Variants in CCT4 observed in about 807,000 individuals in gnomAD.
CCT4 encodes T-complex protein 1 subunit delta.
Under a neutral mutation model 62.5 loss-of-function variants are expected in CCT4, and 17 were observed. The observed-to-expected ratio is 0.27, with a 90% CI of 0.19 to 0.41. The LOEUF is 0.41. CCT4 is among the 10% of genes least tolerant of loss of function. CCT4 has a pLI of 1.00. For synonymous variants in CCT4, 250 were observed against 229.9 expected (o/e 1.09, Z -0.79); for missense variants, 592 against 659.2 (o/e 0.90, Z 1.12).
chr2:61,883,639 G>A (rs1669165870), intron 2 of CCT4, 91 bp from the exon 3 acceptor site: 6 of 680,090 alleles, frequency 8.8e-6, no homozygotes, highest in Non-Finnish European at 1.5e-5. Flanking sequence ...GTTAATTTCT[G>A]TTTGCAAAGT....
At chr2:61,869,626 T>G (rs1668842863) in intron 12 of CCT4, 73 bp from the exon 13 acceptor site, 1 of 805,892 alleles carries the variant, frequency 1.2e-6, no homozygotes, top group Non-Finnish European at 2.2e-6. Flanking sequence ...TGGTTACCAG[T>G]GTACCTCAAG....
Position 61,885,017 on chromosome 2 carries a change from T to C in CCT4, c.180+3A>G, listed in dbSNP as rs1385464899. 1 of 1,581,120 alleles carries C rather than the reference T, an allele frequency of 6.3e-7. No homozygotes were observed. The highest frequency in any genetic ancestry group is 8.6e-7 in the Non-Finnish European group (1 of 1,165,760). On this transcript the variant is annotated splice_donor_region_variant and intron_variant, in intron 2 of 13. Transcript: ENST00000394440. ...AGTAGTATTCAATGACTCAACTCTT[T>C]ACCATTTTATCCATTCCTTTTGGTC...
Position 61,879,027 on chromosome 2 carries a change from G to A in CCT4, c.380-16C>T, listed in dbSNP as rs758471420. The A allele has an allele frequency of 1.3e-6, 2 of 1,573,726 alleles. No individual in the cohort carries two copies. The highest frequency in any genetic ancestry group is 4.5e-5 in the East Asian group (2 of 44,076). On this transcript the variant is annotated splice_polypyrimidine_tract_variant and intron_variant, in intron 4 of 13. Transcript: ENST00000394440. ...GGATGAATCCCTGTAATTTGTGAAA[G>A]TCTAGTTATTTAATTGTAACAGGTA... is the stretch of plus-strand genomic sequence containing the variant.
At chr2:61,875,129 G>A (rs1028514031) in intron 8 of CCT4, among the ~76,000 whole-genome samples, 5 of 82,344 alleles carry the variant, frequency 6.1e-5, no homozygotes, top group African/African-American at 2.1e-4. Flanking sequence ...CAACAAGAGC[G>A]AAACTCCATT....
chr2:61,883,559 A>T lies in CCT4; in HGVS notation c.181-11T>A. On this transcript the variant is annotated splice_polypyrimidine_tract_variant and intron_variant, in intron 2 of 13. Transcript: ENST00000394440. Reference sequence around the variant, plus strand: ...TTTTCCATCTTGAATCTAGAAAAAAAATTTTAAAGTTATATTTCAATGTCA... The same window carrying T: ...TTTTCCATCTTGAATCTAGAAAAAATATTTTAAAGTTATATTTCAATGTCA... The T allele has an allele frequency of 7.1e-7, 1 of 1,415,236 alleles. No homozygotes were observed. The highest frequency in any genetic ancestry group is 9.8e-7 in the Non-Finnish European group (1 of 1,019,316). The allele number at this position is 1,415,236 out of a possible 1,614,324, so 87.7% of individuals were successfully genotyped here.
chr2:61,869,523 C>T lies in CCT4; in HGVS notation c.1522G>A (p.Val508Ile), dbSNP rs1572912993. The change falls in exon 13 of 14, where the codon GTT (valine) becomes ATT (isoleucine). Residue 508 changes from valine (V) to isoleucine (I), a missense_variant. Physicochemically the swap from Val to Ile is conservative, Grantham distance 29. Around this residue, in one of 3 missense-constraint regions of CCT4, gnomAD observed 522 missense variants for 571.2 expected, o/e 0.91. Transcript: ENST00000394440. ...GGISNILEEL[V>I]VQPLLVSVSA... ...ACTGATACCAACAGAGGCTGGACAA[C>T]CAGTTCCTCCAAAATGTTGGAAATA... 6.2e-7 allele frequency: 1 copy of T among 1,610,712 alleles called. No homozygotes were observed.
intron 12 of CCT4, among the ~76,000 whole-genome samples, chr2:61,870,749 T>C (rs893796481): frequency 2.0e-5 from 3 of 151,944 alleles, no homozygotes; most frequent in African/African-American, 7.2e-5. Context: ...TGAAACACCA[T>C]ATCTACTAAA....
At position 61,879,010 on chromosome 2, in the gene CCT4, C is replaced by A. The variant is rs1669056484; in HGVS notation, c.381G>T (p.Gly127=). 1 of 1,590,494 alleles carries A rather than the reference C, an allele frequency of 6.3e-7. No individual in the cohort carries two copies. The highest frequency in any genetic ancestry group is 8.5e-7 in the Non-Finnish European group (1 of 1,171,778). The change falls in exon 5 of 14, where the codon GGG becomes GGT. Residue 127 remains glycine, a splice_region_variant and synonymous_variant. Transcript: ENST00000394440. ...LDSCTKLLQK[G]IHPTIISESF... is the part of the protein sequence containing the mutation. ...ACTCAGAAATGATGGTTGGATGAAT[C>A]CCTGTAATTTGTGAAAGTCTAGTTA...
chr2:61,883,594 A>G (rs748532252), intron 2 of CCT4, 46 bp from the exon 3 acceptor site: 3 of 901,898 alleles, frequency 3.3e-6, no homozygotes, highest in East Asian at 2.5e-5. Context: ...ACACCTTAAT[A>G]GTTTTATTAA....
At position 61,885,090 on chromosome 2, in the gene CCT4, A is replaced by AG. The variant is rs780317108; in HGVS notation, c.128-19_128-18insC. 1.9e-5 allele frequency: 29 copies of AG among 1,527,128 alleles called. No homozygotes were observed. The African/African-American group carries it at 3.8e-4, about 20-fold the overall frequency. The allele number at this position is 1,527,128 out of a possible 1,614,324, so 94.6% of individuals were successfully genotyped here. On this transcript the variant is annotated intron_variant, in intron 1 of 13. Coordinates refer to ENST00000394440, the MANE Select transcript of CCT4 (RefSeq NM_006430.4). ...AGCAACCGCTGCAGATGGGGGGGAA[A>AG]AAAAAGAAAACAAATTAGAACTTTT...
Position 61,876,248 on chromosome 2 carries a change from GAAC to G in CCT4, c.778-17_778-15del. On this transcript the variant is annotated splice_polypyrimidine_tract_variant and intron_variant, in intron 7 of 13. Coordinates refer to ENST00000394440, the MANE Select transcript of CCT4 (RefSeq NM_006430.4). ...TTGATTATCCATCTGTTCAGAAAAA[GAAC>G]ATCATAATTTGCATTGTAAGATATT... 1 of 1,561,150 alleles carries G rather than the reference GAAC, an allele frequency of 6.4e-7. No individual in the cohort carries two copies. Among genetic ancestry groups the G allele is most frequent in the Non-Finnish European group, 8.7e-7 (1 of 1,153,086 alleles).
At chr2:61,869,273 T>C (rs1022945508) in intron 13 of CCT4, among the ~76,000 whole-genome samples, 167 bp downstream of exon 13, 5 of 151,140 alleles carry the variant, frequency 3.3e-5, no homozygotes, top group Admixed American at 1.3e-4. Flanking sequence ...GAGGCAGAGG[T>C]TGCAGTGAGC....
At chr2:61,884,409 T>G (rs569419736) in intron 2 of CCT4, among the ~76,000 whole-genome samples, 2 of 151,966 alleles carry the variant, frequency 1.3e-5, no homozygotes, top group Non-Finnish European at 2.9e-5. Context: ...GTTCAAGTGA[T>G]TCTCCTGCCT....
At chr2:61,883,719 T>C (rs532373686) in intron 2 of CCT4, among the ~76,000 whole-genome samples, 171 bp from the exon 3 acceptor site, 28 of 150,926 alleles carry the variant, frequency 1.9e-4, no homozygotes, top group Admixed American at 4.7e-4. Context: ...AGTCCAACTT[T>C]ACAAAAGAAA....
intron 5 of CCT4, 84 bp from the exon 6 acceptor site, chr2:61,877,598 ACT>A: frequency 9.1e-7 from 1 of 1,095,052 alleles, no homozygotes; most frequent in Non-Finnish European, 1.3e-6. Context: ...CTTAAGAAAG[ACT>A]CTTATAATTT....
chr2:61,885,360 T>C (rs1465903950), intron 1 of CCT4, among the ~76,000 whole-genome samples: 2 of 152,166 alleles, frequency 1.3e-5, no homozygotes, highest in African/African-American at 4.8e-5. Flanking sequence ...GCAACAATTA[T>C]TTTTCTTTTA....
chr2:61,886,344 A>T (rs1225854288), intron 1 of CCT4, among the ~76,000 whole-genome samples: 1 of 152,146 alleles, frequency 6.6e-6, no homozygotes, highest in Non-Finnish European at 1.5e-5. Flanking sequence ...CCCAGGAGGC[A>T]GAAGTTGCAA....
rs1431993163 is a variant in CCT4, at chr2:61,873,024, T to C, written c.1103A>G (p.Asn368Ser). ...TACCTTGAGCAGTTTGCCAGAACCA[T>C]TTAAATTGACCTCCTCAGCTAACTC... ...SAELAEEVNLNGSGKLLKITG... is the reference protein window; with the variant it reads ...SAELAEEVNLSGSGKLLKITG... Residue 368 changes from asparagine (N) to serine (S), a missense_variant, in exon 10 of 14, where the codon AAT becomes AGT. Asn to Ser is a conservative substitution (Grantham distance 46). Coordinates refer to ENST00000394440, the MANE Select transcript of CCT4 (RefSeq NM_006430.4). 2.5e-6 allele frequency: 4 copies of C among 1,607,988 alleles called. No homozygotes were observed. Among genetic ancestry groups the C allele is most frequent in the Non-Finnish European group, 3.4e-6 (4 of 1,174,394 alleles).
At chr2:61,884,270 CTCCT>C (rs748939813) in intron 2 of CCT4, among the ~76,000 whole-genome samples, 13 of 152,156 alleles carry the variant, frequency 8.5e-5, no homozygotes, top group Non-Finnish European at 1.9e-4. Context: ...AAAGTAACCT[CTCCT>C]TCCTCTGAAT....
Sources: gnomAD v4.1 joint callset for allele counts (sites outside exome capture counted in the v4.1 genomes callset) on GRCh38, gnomAD v4.1.1 for gene constraint, gnomAD v4.1.1 regional missense constraint, MANE v1.5 for transcripts, NCBI Gene and HGNC (gene_info 2026-07-23, HGNC 2026-07-21) for gene names.